AUH: variants seen among roughly 807,000 people sequenced by gnomAD.
AUH encodes AU RNA binding methylglutaconyl-CoA hydratase.
AUH carries 29 observed loss-of-function variants against 42.3 expected under a neutral mutation model. The observed-to-expected ratio is 0.69, with a 90% CI of 0.51 to 0.93. The LOEUF (loss-of-function observed/expected upper bound fraction) is 0.93. Among genes scored for constraint, AUH ranks in the 40% least tolerant of loss-of-function variants. AUH has a pLI of 0.00. For missense variants in AUH, 452 were observed against 438.1 expected, an observed-to-expected ratio of 1.03 and a Z score of -0.28; for synonymous variants, 174 against 166.4, an observed-to-expected ratio of 1.05 and a Z score of -0.35.
intron 6 of AUH, among the ~76,000 whole-genome samples, chr9:91,231,357 C>G (rs1827870207): frequency 6.6e-6 from 1 of 152,320 alleles, no homozygotes; most frequent in Non-Finnish European, 1.5e-5. Context: ...TTAGGAAAGG[C>G]AACTCCCTGA....
At chr9:91,254,513 A>G (rs1372247836) in intron 6 of AUH, among the ~76,000 whole-genome samples, 1 of 152,222 alleles carries the variant, frequency 6.6e-6, no homozygotes, top group African/African-American at 2.4e-5. Context: ...ATATAAATGT[A>G]TGGAGGATAG....
chr9:91,343,656 C>T (rs1254012854), intron 3 of AUH, among the ~76,000 whole-genome samples: 1 of 152,040 alleles, frequency 6.6e-6, no homozygotes, highest in Non-Finnish European at 1.5e-5. Context: ...CCCAGCTACT[C>T]GGGAGGCGGA....
intron 3 of AUH, among the ~76,000 whole-genome samples, chr9:91,347,402 C>T (rs1003930978): frequency 6.6e-6 from 1 of 152,110 alleles, no homozygotes; most frequent in Non-Finnish European, 1.5e-5. Context: ...TCATTACCTC[C>T]ATAGGGAGAC....
intron 4 of AUH, among the ~76,000 whole-genome samples, chr9:91,298,852 A>C (rs749319229): frequency 1.4e-4 from 22 of 152,232 alleles, no homozygotes; most frequent in Non-Finnish European, 2.6e-4. Flanking sequence ...GAACTCTATT[A>C]ATTTTATTTC....
chr9:91,344,375 C>CT lies in AUH; in HGVS notation c.418+11507dup, dbSNP rs376529509. Reference sequence around the variant, plus strand: ...CTGTCCAGACTGAACCAACGTACATCTTACATGTATTGATTGATGTCTTAT... The same window carrying CT: ...CTGTCCAGACTGAACCAACGTACATCTTTACATGTATTGATTGATGTCTTAT... On this transcript the variant is annotated intron_variant, in intron 3 of 9. Coordinates refer to ENST00000375731, the MANE Select transcript of AUH (RefSeq NM_001698.3). Among the ~76,000 whole-genome samples, 1,180 of 152,272 alleles carry CT rather than the reference C, an allele frequency of 7.7e-3. 13 individuals are homozygous for CT. The highest frequency in any genetic ancestry group is 0.027 in the African/African-American group (1,135 of 41,548).
chr9:91,215,957 G>A (rs1826795283), intron 9 of AUH, 102 bp downstream of exon 9: 7 of 1,258,284 alleles, frequency 5.6e-6, no homozygotes, highest in Admixed American at 1.7e-5. Context: ...TTTGGAATGG[G>A]CGCAAGGGTA....
At chr9:91,277,347 AATCT>A (rs1436906253) in intron 6 of AUH, among the ~76,000 whole-genome samples, 5 of 152,184 alleles carry the variant, frequency 3.3e-5, no homozygotes, top group African/African-American at 9.7e-5. Flanking sequence ...AACAATGGAA[AATCT>A]ATCTAAATAA....
At position 91,352,306 on chromosome 9, in the gene AUH, G is replaced by A. The variant is rs184886524; in HGVS notation, c.418+3577C>T. On this transcript the variant is annotated intron_variant, in intron 3 of 9. Transcript: ENST00000375731. The stretch of plus-strand genomic sequence containing the variant: ...AAAAACAAATAATCTTATGGGACCA[G>A]CATTGTATAATGCAGGCTACTGTTA... Among the ~76,000 whole-genome samples the A allele has an allele frequency of 2.6e-5, 4 of 152,140 alleles. No homozygotes were observed. In the East Asian group the frequency reaches 7.7e-4, roughly 29 times the overall value.
chr9:91,216,148 G>A (rs760957848), intron 8 of AUH, 42 bp from the exon 9 acceptor site: 5 of 1,566,672 alleles, frequency 3.2e-6, no homozygotes, highest in Non-Finnish European at 4.4e-6. Context: ...AAATAACTTT[G>A]CGAAATGTGG....
At chr9:91,253,060 T>C (rs1564032015) in intron 6 of AUH, among the ~76,000 whole-genome samples, 1 of 152,322 alleles carries the variant, frequency 6.6e-6, no homozygotes, top group South Asian at 2.1e-4. Context: ...CAAAGCCCTT[T>C]CACTATTTGA....
intron 6 of AUH, among the ~76,000 whole-genome samples, chr9:91,254,881 G>C (rs1001335691): frequency 3.3e-5 from 5 of 152,094 alleles, no homozygotes; most frequent in African/African-American, 1.2e-4. Flanking sequence ...CCATATTTTT[G>C]ATATGGGAGT....
chr9:91,251,518 C>G (rs1307692350), intron 6 of AUH, among the ~76,000 whole-genome samples: 1 of 152,134 alleles, frequency 6.6e-6, no homozygotes, highest in African/African-American at 2.4e-5. Context: ...AAATACAAGT[C>G]AATCACTGGC....
intron 6 of AUH, among the ~76,000 whole-genome samples, chr9:91,254,900 T>G (rs1829327237): frequency 6.6e-6 from 1 of 152,198 alleles, no homozygotes; most frequent in Non-Finnish European, 1.5e-5. Flanking sequence ...GTAACCTACC[T>G]TTTAGACTTG....
chr9:91,336,868 A>G (rs1041364215), intron 3 of AUH, among the ~76,000 whole-genome samples: 1 of 152,194 alleles, frequency 6.6e-6, no homozygotes, highest in Admixed American at 6.5e-5. Context: ...CTTAATTTAA[A>G]GAGGACAGCC....
At chr9:91,318,900 C>A (rs1829361033) in intron 4 of AUH, among the ~76,000 whole-genome samples, 1 of 152,182 alleles carries the variant, frequency 6.6e-6, no homozygotes, top group Non-Finnish European at 1.5e-5. Context: ...ATAAAATTCA[C>A]ACTCTTTATC....
intron 6 of AUH, among the ~76,000 whole-genome samples, chr9:91,281,176 A>G (rs529913499): frequency 2.4e-4 from 36 of 152,112 alleles, no homozygotes; most frequent in Non-Finnish European, 4.1e-4. Context: ...ATTATCCCAC[A>G]GGTTCCTACG....
intron 4 of AUH, among the ~76,000 whole-genome samples, chr9:91,301,434 G>C (rs1827776034): frequency 6.6e-6 from 1 of 152,216 alleles, no homozygotes; most frequent in South Asian, 2.1e-4. Flanking sequence ...GCCAGGTACA[G>C]TGACTCATGC....
At chr9:91,277,794 G>T (rs1044201940) in intron 6 of AUH, among the ~76,000 whole-genome samples, 1 of 152,038 alleles carries the variant, frequency 6.6e-6, no homozygotes, top group Non-Finnish European at 1.5e-5. Flanking sequence ...TTCCAACTAT[G>T]ATTCTGATTT....
intron 6 of AUH, among the ~76,000 whole-genome samples, chr9:91,266,735 C>G (rs1329188774): frequency 6.6e-6 from 1 of 152,146 alleles, no homozygotes; most frequent in Non-Finnish European, 1.5e-5. Flanking sequence ...TCTTCTTTAA[C>G]AAGTAATAAA....
Sources: allele counts gnomAD v4.1 joint callset (sites outside exome capture counted in the v4.1 genomes callset), GRCh38; gene constraint gnomAD v4.1.1; transcripts MANE v1.5; gene names NCBI Gene and HGNC (gene_info 2026-07-23, HGNC 2026-07-21).